The following SYNPO2 variants were observed in gnomAD, a reference collection of about 807,000 sequenced individuals.
SYNPO2 encodes synaptopodin 2.
In SYNPO2, 56 loss-of-function variants were observed where a neutral mutation model predicts 85.0. The observed-to-expected ratio is 0.66, with a 90% CI of 0.53 to 0.82. The LOEUF is 0.82. SYNPO2 is among the 40% of genes least tolerant of loss of function. The pLI, the probability that SYNPO2 is intolerant of heterozygous loss-of-function variation, is 0.00. For synonymous variants in SYNPO2, 602 were observed against 591.1 expected (o/e 1.02, Z -0.27); for missense variants, 1,575 against 1,534.2 (o/e 1.03, Z -0.44).
At chr4:118,879,367 T>G (rs1383508607) in intron 1 of SYNPO2, among the ~76,000 whole-genome samples, 2 of 152,174 alleles carry the variant, frequency 1.3e-5, no homozygotes, top group African/African-American at 2.4e-5. Flanking sequence ...GAAATTCATA[T>G]GTTGAATCCT....
intron 1 of SYNPO2, among the ~76,000 whole-genome samples, chr4:118,872,001 A>C (rs940347985): frequency 6.6e-6 from 1 of 152,194 alleles, no homozygotes; most frequent in Admixed American, 6.5e-5. Flanking sequence ...CAAATGTAGC[A>C]ATTTGTATCA....
intron 1 of SYNPO2, among the ~76,000 whole-genome samples, chr4:119,009,671 C>G (rs973731686): frequency 6.6e-6 from 1 of 152,122 alleles, no homozygotes; most frequent in Non-Finnish European, 1.5e-5. Flanking sequence ...CCCAGGTTCC[C>G]GCTTCTAAGA....
At chr4:119,043,452 T>C (rs143250226) in intron 4 of SYNPO2, 6 of 152,312 alleles carry the variant, frequency 3.9e-5, no homozygotes, top group Non-Finnish European at 8.8e-5. Flanking sequence ...TGTTTAACAA[T>C]TGTAATAGTC....
At chr4:118,963,604 G>A (rs1432953547) in intron 1 of SYNPO2, among the ~76,000 whole-genome samples, 4 of 152,106 alleles carry the variant, frequency 2.6e-5, no homozygotes, top group East Asian at 1.9e-4. Flanking sequence ...GTGTGCCACC[G>A]TGTCCAGCTC....
intron 4 of SYNPO2, among the ~76,000 whole-genome samples, chr4:119,054,515 G>T (rs1223107290): frequency 6.6e-6 from 1 of 152,212 alleles, no homozygotes; most frequent in East Asian, 1.9e-4. Flanking sequence ...GAAGAGGATG[G>T]GCAGGTTGTC....
chr4:119,027,339 G>T lies in SYNPO2; in HGVS notation c.970G>T (p.Val324Leu). ...GCAGTCAGAAGCACCTCCTTCTCTG[G>T]TATCCTTTGCCGTCTCATCAGAAGG... ...GGQSEAPPSL[V>L]SFAVSSEGTE... Residue 324 changes from valine to leucine, a missense_variant, in exon 3 of 5, where the codon GTA becomes TTA. Physicochemically the swap from Val to Leu is conservative, Grantham distance 32. Coordinates refer to ENST00000307142, the MANE Select transcript of SYNPO2 (RefSeq NM_133477.3). 1 of 1,614,004 alleles carries T rather than the reference G, an allele frequency of 6.2e-7. No homozygotes were observed.
intron 1 of SYNPO2, among the ~76,000 whole-genome samples, chr4:118,925,464 G>A (rs1050107770): frequency 6.6e-6 from 1 of 151,368 alleles, no homozygotes; most frequent in Non-Finnish European, 1.5e-5. Flanking sequence ...GTTTATTATC[G>A]TCACCTATGT....
At chr4:118,937,677 A>C (rs531716911) in intron 1 of SYNPO2, among the ~76,000 whole-genome samples, 1 of 152,224 alleles carries the variant, frequency 6.6e-6, no homozygotes, top group Admixed American at 6.5e-5. Context: ...CTGTACAATA[A>C]AGAAAAAAAA....
At chr4:118,882,142 C>T (rs981016271) in intron 1 of SYNPO2, among the ~76,000 whole-genome samples, 1 of 152,188 alleles carries the variant, frequency 6.6e-6, no homozygotes, top group East Asian at 1.9e-4. Context: ...ATAATTTTAC[C>T]TCTTATTGTT....
chr4:118,976,270 T>C (rs1013978971), intron 1 of SYNPO2, among the ~76,000 whole-genome samples: 1 of 152,082 alleles, frequency 6.6e-6, no homozygotes, highest in African/African-American at 2.4e-5. Flanking sequence ...ACCTTTGCAG[T>C]GAGTGTTACA....
intron 1 of SYNPO2, among the ~76,000 whole-genome samples, chr4:118,955,909 A>C (rs1734859213): frequency 6.6e-6 from 1 of 152,188 alleles, no homozygotes; most frequent in Non-Finnish European, 1.5e-5. Context: ...CCTTACCTGG[A>C]AGTTGGTGCA....
At chr4:118,908,535 T>C (rs1733020659) in intron 1 of SYNPO2, among the ~76,000 whole-genome samples, 1 of 152,186 alleles carries the variant, frequency 6.6e-6, no homozygotes. Flanking sequence ...TTCGTAAGTA[T>C]GATCAATGTT....
intron 1 of SYNPO2, among the ~76,000 whole-genome samples, chr4:118,882,131 C>T (rs1332355564): frequency 6.6e-6 from 1 of 152,180 alleles, no homozygotes; most frequent in Non-Finnish European, 1.5e-5. Context: ...TTCCCATATA[C>T]ATAATTTTAC....
At chr4:118,969,588 A>G (rs2130667) in intron 1 of SYNPO2, among the ~76,000 whole-genome samples, 1 of 152,186 alleles carries the variant, frequency 6.6e-6, no homozygotes, top group Non-Finnish European at 1.5e-5. Flanking sequence ...TTCCAAGTGT[A>G]ATACTATCTG....
intron 1 of SYNPO2, among the ~76,000 whole-genome samples, chr4:119,009,006 A>G (rs1737188066): frequency 6.6e-6 from 1 of 152,212 alleles, no homozygotes; most frequent in Non-Finnish European, 1.5e-5. Context: ...ATCAGGAACA[A>G]ATGAAAACCT....
At chr4:118,951,876 C>A (rs1170005454) in intron 1 of SYNPO2, among the ~76,000 whole-genome samples, 1 of 152,118 alleles carries the variant, frequency 6.6e-6, no homozygotes, top group Non-Finnish European at 1.5e-5. Context: ...AGATGTGCAA[C>A]CACAATGAAC....
chr4:118,980,164 A>G (rs1735953462), intron 1 of SYNPO2, among the ~76,000 whole-genome samples: 1 of 152,232 alleles, frequency 6.6e-6, no homozygotes, highest in African/African-American at 2.4e-5. Context: ...ATACCCATAT[A>G]TAGTATAGTG....
At chr4:119,055,157 A>AT (rs60067505) in intron 4 of SYNPO2, among the ~76,000 whole-genome samples, 2,144 of 129,438 alleles carry the variant, frequency 0.017, 36 homozygotes, top group East Asian at 0.072. Context: ...TTATTTATTT[A>AT]TTTTTTTTTT....
chr4:118,860,745 C>T (rs1731593885), intron 1 of SYNPO2, among the ~76,000 whole-genome samples: 1 of 151,888 alleles, frequency 6.6e-6, no homozygotes, highest in African/African-American at 2.4e-5. Flanking sequence ...TTAGTAGATA[C>T]AGAATTTCAC....
Sources: gnomAD v4.1 joint callset for allele counts (sites outside exome capture counted in the v4.1 genomes callset) on GRCh38, gnomAD v4.1.1 for gene constraint, MANE v1.5 for transcripts, NCBI Gene and HGNC (gene_info 2026-07-23, HGNC 2026-07-21) for gene names.